ZNF487: variants seen among roughly 807,000 people sequenced by gnomAD.
ZNF487 encodes the protein KRAB domain only 1.
ZNF487 carries 4 observed loss-of-function variants against 3.0 expected under a neutral mutation model. The ratio of observed to expected loss-of-function variants is 1.35; its 90% confidence interval spans 0.66 to 3.08. The LOEUF is 3.08. Among genes scored for constraint, ZNF487 ranks in the 30% most tolerant of loss-of-function variants. The probability of loss-of-function intolerance (pLI) is 0.01; values close to 1 mark genes in which losing one functional copy is unlikely to be tolerated. For synonymous variants in ZNF487, 55 were observed against 34.6 expected, an observed-to-expected ratio of 1.59 and a Z score of -2.06; for missense variants, 146 against 98.7, an observed-to-expected ratio of 1.48 and a Z score of -2.03.
intron 1 of ZNF487, among the ~76,000 whole-genome samples, chr10:43,448,230 C>T (rs1022884324): frequency 2.6e-5 from 4 of 151,808 alleles, no homozygotes; most frequent in African/African-American, 4.8e-5. Context: ...ACCTCGTGAT[C>T]CACCTGCCTC....
At chr10:43,461,555 A>G (rs1840432512) in intron 1 of ZNF487, among the ~76,000 whole-genome samples, 1 of 152,040 alleles carries the variant, frequency 6.6e-6, no homozygotes, top group East Asian at 1.9e-4. Context: ...TCCTGGGCTC[A>G]AGTGATCCTC....
intron 1 of ZNF487, among the ~76,000 whole-genome samples, chr10:43,444,274 C>G (rs1246101266): frequency 6.6e-6 from 1 of 152,290 alleles, no homozygotes; most frequent in East Asian, 1.9e-4. Context: ...TCTGTAACAT[C>G]TAGTCTGGGA....
chr10:43,496,885 T>C, the ZNF487 span, among the ~76,000 whole-genome samples: 1 of 152,298 alleles, frequency 6.6e-6, no homozygotes, highest in South Asian at 2.1e-4. Context: ...AAGGTTTGTT[T>C]ACATAGGTAA....
chr10:43,514,554 A>G, the ZNF487 span, among the ~76,000 whole-genome samples: 2 of 152,208 alleles, frequency 1.3e-5, no homozygotes, highest in Admixed American at 6.5e-5. Context: ...ACTTGTAGGA[A>G]CACCATGATT....
intron 1 of ZNF487, among the ~76,000 whole-genome samples, chr10:43,447,251 T>TTTTTTTTTCTTTTCC (rs755357301): frequency 2.6e-5 from 1 of 39,008 alleles, no homozygotes; most frequent in African/African-American, 5.7e-4. Flanking sequence ...GAGAACAACA[T>TTTTTTTTTCTTTTCC]TTTTTTTTTG....
At chr10:43,485,365 T>C (rs1287094429), downstream of ZNF487, among the ~76,000 whole-genome samples, 2 of 152,252 alleles carry the variant, frequency 1.3e-5, no homozygotes, top group African/African-American at 2.4e-5. Context: ...AATTTGAATC[T>C]TTTTGATAGC....
the ZNF487 span, among the ~76,000 whole-genome samples, chr10:43,492,228 G>A: frequency 6.6e-6 from 1 of 151,856 alleles, no homozygotes; most frequent in East Asian, 1.9e-4. Flanking sequence ...TGCAATACAG[G>A]TCTACTAATG....
chr10:43,489,546 G>T, the ZNF487 span, among the ~76,000 whole-genome samples: 1 of 152,096 alleles, frequency 6.6e-6, no homozygotes, highest in East Asian at 1.9e-4. Context: ...TAGAGACGGG[G>T]TTTTACCATG....
intron 3 of ZNF487, among the ~76,000 whole-genome samples, chr10:43,478,549 G>A (rs181292529): frequency 4.4e-4 from 67 of 152,058 alleles, no homozygotes; most frequent in African/African-American, 1.6e-3. Flanking sequence ...GCGAAACTCT[G>A]TCTCAAAAAT....
the ZNF487 span, among the ~76,000 whole-genome samples, chr10:43,514,945 G>A: frequency 0.89 from 135,897 of 152,228 alleles, 60,710 homozygotes; most frequent in East Asian, 1. Flanking sequence ...CTTCCTCTAC[G>A]TTAAACCAAG....
chr10:43,474,529 A>G (rs564276479), intron 1 of ZNF487, among the ~76,000 whole-genome samples: 7 of 152,208 alleles, frequency 4.6e-5, no homozygotes, highest in Middle Eastern at 3.4e-3. Context: ...CATGCCTGTG[A>G]ATGTACTCCA....
chr10:43,465,104 ACCTC>A (rs1413138916), intron 1 of ZNF487, among the ~76,000 whole-genome samples: 2 of 79,296 alleles, frequency 2.5e-5, no homozygotes, highest in East Asian at 8.3e-4. Context: ...TGACCCCCCC[ACCTC>A]CCTCCCGGAT....
At chr10:43,443,341 G>T (rs919311205) in intron 1 of ZNF487, among the ~76,000 whole-genome samples, 3 of 150,970 alleles carry the variant, frequency 2.0e-5, no homozygotes, top group African/African-American at 7.3e-5. Context: ...TGGGATGACA[G>T]GCCTGAGCTA....
chr10:43,444,370 A>G (rs773087562), intron 1 of ZNF487, among the ~76,000 whole-genome samples: 2 of 152,008 alleles, frequency 1.3e-5, no homozygotes, highest in Non-Finnish European at 2.9e-5. Flanking sequence ...GCTATTTTCT[A>G]CCTTTCAGTC....
chr10:43,487,136 ATTTTTT>A (rs5784601), downstream of ZNF487, among the ~76,000 whole-genome samples: 4 of 120,654 alleles, frequency 3.3e-5, no homozygotes, highest in African/African-American at 5.8e-5. Flanking sequence ...GTCACTAAGA[ATTTTTT>A]TTTTTTTTTT....
At chr10:43,438,347 G>A (rs1158467872) in intron 1 of ZNF487, among the ~76,000 whole-genome samples, 2 of 152,012 alleles carry the variant, frequency 1.3e-5, no homozygotes, top group Non-Finnish European at 1.5e-5. Context: ...CACCACACCC[G>A]GCTAATTTTT....
chr10:43,441,258 C>T (rs7069214), intron 1 of ZNF487, among the ~76,000 whole-genome samples: 99,203 of 150,712 alleles, frequency 0.66, 34,184 homozygotes, highest in Non-Finnish European at 0.76. Flanking sequence ...TGAGCCACTG[C>T]ACCAGACCGC....
At chr10:43,441,835 C>T (rs1839623033) in intron 1 of ZNF487, among the ~76,000 whole-genome samples, 1 of 152,138 alleles carries the variant, frequency 6.6e-6, no homozygotes, top group Non-Finnish European at 1.5e-5. Context: ...GATCCACCCG[C>T]GTTGGCCTCC....
chr10:43,498,093 ATATATATTTTTTTTTTTTTTCTTTTTTTT>A, the ZNF487 span, among the ~76,000 whole-genome samples: 105 of 13,218 alleles, frequency 7.9e-3, no homozygotes, highest in South Asian at 0.042. Flanking sequence ...ATATATATAT[ATATATATTTTTTTTTTTTTTCTTTTTTTT>A]TTTTTTTTTT....
Sources: allele counts gnomAD v4.1 joint callset (sites outside exome capture counted in the v4.1 genomes callset), GRCh38; gene constraint gnomAD v4.1.1; transcripts MANE v1.5; gene names NCBI Gene and HGNC (gene_info 2026-07-23, HGNC 2026-07-21).